The following CBL variants were observed in gnomAD, a reference collection of about 807,000 sequenced individuals.
The protein encoded by CBL is Cbl proto-oncogene.
Under a neutral mutation model 96.9 loss-of-function variants are expected in CBL, and 45 were observed. That is an observed-to-expected ratio of 0.46 (90% CI 0.37 to 0.60). The LOEUF is 0.60. Ranked by LOEUF, CBL falls within the 20% of genes least tolerant of loss-of-function variation. The probability of loss-of-function intolerance (pLI) is 0.00; values close to 1 mark genes in which losing one functional copy is unlikely to be tolerated. For synonymous variants in CBL, 420 were observed against 426.8 expected, an observed-to-expected ratio of 0.98 and a Z score of 0.20; for missense variants, 1,024 against 1,143.5, an observed-to-expected ratio of 0.90 and a Z score of 1.51.
chr11:119,271,153 A>G (rs1949846220), intron 2 of CBL, among the ~76,000 whole-genome samples: 1 of 152,262 alleles, frequency 6.6e-6, no homozygotes. Context: ...TGATAAATAT[A>G]CTTGATAAAT....
At chr11:119,234,374 T>C (rs1949526527) in intron 2 of CBL, among the ~76,000 whole-genome samples, 2 of 152,238 alleles carry the variant, frequency 1.3e-5, no homozygotes, top group African/African-American at 4.8e-5. Context: ...TTCTCGTTTA[T>C]TTGGAAGTGA....
In CBL at chr11:119,303,065, A is replaced by G. The variant is rs377649435; in HGVS notation, c.*3284A>G. ...CACTCTTAAAATATGTGTTTTCTCT[A>G]TAGAAAAGTAAAATGTGTTTATGGT... On this transcript the variant is annotated 3_prime_UTR_variant, in exon 16 of 16. Coordinates refer to ENST00000264033, the MANE Select transcript of CBL (RefSeq NM_005188.4). 12 of 230,906 alleles carry G rather than the reference A, an allele frequency of 5.2e-5. No homozygotes were observed. Among genetic ancestry groups the G allele is most frequent in the African/African-American group, 2.4e-4 (11 of 45,340 alleles). 14.3% of individuals were successfully genotyped at this position (230,906 alleles called of 1,614,324 possible). A position where few individuals can be genotyped will look rare whatever the true frequency, so the allele number is the denominator to read the frequency against.
At chr11:119,288,891 CAG>C (rs1211568628) in intron 12 of CBL, among the ~76,000 whole-genome samples, 1 of 152,188 alleles carries the variant, frequency 6.6e-6, no homozygotes, top group African/African-American at 2.4e-5. Flanking sequence ...GGAACACAAA[CAG>C]ATGTTTTACG....
chr11:119,206,702 A>T, intron 1 of CBL, 90 bp downstream of exon 1: 8 of 789,858 alleles, frequency 1.0e-5, no homozygotes, highest in Non-Finnish European at 1.1e-5. Flanking sequence ...GAAGCGGGGG[A>T]GGGGACGGGT....
intron 1 of CBL, among the ~76,000 whole-genome samples, chr11:119,227,478 G>A (rs986011481): frequency 1.3e-5 from 2 of 151,874 alleles, no homozygotes; most frequent in African/African-American, 2.4e-5. Context: ...CATCAGAAAA[G>A]CCTTATCTAC....
intron 1 of CBL, among the ~76,000 whole-genome samples, chr11:119,220,264 G>A (rs934495027): frequency 1.3e-5 from 2 of 152,204 alleles, no homozygotes; most frequent in Non-Finnish European, 2.9e-5. Flanking sequence ...GCCTCCCAAA[G>A]TGTTGGTATT....
chr11:119,253,988 CAAAAAAAAAAA>C (rs55881003), intron 2 of CBL, among the ~76,000 whole-genome samples: 1 of 67,066 alleles, frequency 1.5e-5, no homozygotes, highest in African/African-American at 6.0e-5. Context: ...GACCTTGACT[CAAAAAAAAAAA>C]AAAAAAAAAA....
chr11:119,208,181 A>C (rs1227261836), intron 1 of CBL, among the ~76,000 whole-genome samples: 3 of 152,192 alleles, frequency 2.0e-5, no homozygotes, highest in Non-Finnish European at 4.4e-5. Flanking sequence ...TAAAAAAAAC[A>C]CATCGAAGAT....
chr11:119,289,767 G>A (rs776155539), intron 12 of CBL: 4 of 152,098 alleles, frequency 2.6e-5, no homozygotes, highest in Non-Finnish European at 5.9e-5. Flanking sequence ...TTTAAAGATA[G>A]GGTCTTGATC....
At chr11:119,239,905 C>T (rs1949572221) in intron 2 of CBL, among the ~76,000 whole-genome samples, 1 of 151,670 alleles carries the variant, frequency 6.6e-6, no homozygotes, top group African/African-American at 2.4e-5. Flanking sequence ...AAATATAGTA[C>T]ATAGAAAGAA....
intron 11 of CBL, 65 bp downstream of exon 11, chr11:119,285,631 C>A: frequency 6.4e-7 from 1 of 1,562,192 alleles, no homozygotes; most frequent in South Asian, 1.1e-5. Flanking sequence ...CACAGTGGCT[C>A]ATGTCTGTAA....
intron 2 of CBL, among the ~76,000 whole-genome samples, chr11:119,241,521 A>G (rs575433334): frequency 7.9e-5 from 12 of 152,318 alleles, no homozygotes; most frequent in Non-Finnish European, 1.3e-4. Flanking sequence ...AGCTTATATT[A>G]TGTCTTTTTC....
intron 1 of CBL, among the ~76,000 whole-genome samples, chr11:119,208,375 TTTCTGTA>T (rs1490622446): frequency 1.3e-5 from 2 of 151,546 alleles, no homozygotes; most frequent in Admixed American, 6.6e-5. Context: ...TACTAAAGAG[TTTCTGTA>T]TTCTGTATTC....
intron 12 of CBL, among the ~76,000 whole-genome samples, chr11:119,295,499 A>G (rs1950057286): frequency 6.6e-6 from 1 of 152,026 alleles, no homozygotes; most frequent in South Asian, 2.1e-4. Context: ...GGGCGGGAGG[A>G]TCACTTGAAC....
At chr11:119,265,829 C>G (rs942523071) in intron 2 of CBL, among the ~76,000 whole-genome samples, 17 of 152,160 alleles carry the variant, frequency 1.1e-4, no homozygotes, top group Non-Finnish European at 1.6e-4. Flanking sequence ...TCGAGACCAG[C>G]CTGACCAACA....
intron 1 of CBL, among the ~76,000 whole-genome samples, chr11:119,207,023 G>C (rs1177186661): frequency 2.0e-5 from 3 of 152,078 alleles, no homozygotes; most frequent in Non-Finnish European, 4.4e-5. Flanking sequence ...GTGATGTACC[G>C]GCTGGGGCTC....
rs1265818262 is a variant in CBL at position 119,270,448 on chromosome 11, T to C, written c.444-1287T>C. 4.3e-3 allele frequency among the ~76,000 whole-genome samples: 395 copies of C among 92,840 alleles called. 7 individuals carry two copies. Among genetic ancestry groups the C allele is most frequent in the African/African-American group, 0.017 (373 of 22,530 alleles). 60.9% of individuals were successfully genotyped at this position (92,840 alleles called of 152,430 possible). On this transcript the variant is annotated intron_variant, in intron 2 of 15. Transcript: ENST00000264033. Reference sequence around the variant, plus strand: ...TATATATATATATATTTTTTTTTTTTTTTTTTTTTTTTTTTTGAGACGGAG... The same window carrying C: ...TATATATATATATATTTTTTTTTTTCTTTTTTTTTTTTTTTTGAGACGGAG...
chr11:119,210,951 CAT>C (rs765669228), intron 1 of CBL, among the ~76,000 whole-genome samples: 10 of 152,256 alleles, frequency 6.6e-5, no homozygotes, highest in Non-Finnish European at 1.5e-4. Context: ...TTTTCCTATA[CAT>C]ACCTACCTAT....
rs1328623131 is a variant in CBL at position 119,306,785 on chromosome 11, C to G, written c.*7004C>G. On this transcript the variant is annotated 3_prime_UTR_variant, in exon 16 of 16. Coordinates refer to ENST00000264033, the MANE Select transcript of CBL (RefSeq NM_005188.4). The stretch of plus-strand genomic sequence containing the variant: ...CTCAGCACTGTTCTAGTGTCTTGGC[C>G]TTGAAAGAAAAGCCTGACTTCCTGC... The G allele has an allele frequency of 4.2e-6, 1 of 236,868 alleles. No homozygotes were observed. Among genetic ancestry groups the G allele is most frequent in the Admixed American group, 5.6e-5 (1 of 17,818 alleles). The allele number at this position is 236,868 out of a possible 1,614,324, so 14.7% of individuals were successfully genotyped here. A position where few individuals can be genotyped will look rare whatever the true frequency, so the allele number is the denominator to read the frequency against.
Sources: allele counts gnomAD v4.1 joint callset (sites outside exome capture counted in the v4.1 genomes callset), GRCh38; gene constraint gnomAD v4.1.1; transcripts MANE v1.5; gene names NCBI Gene and HGNC (gene_info 2026-07-23, HGNC 2026-07-21).